MYH11: variants seen among roughly 807,000 people sequenced by gnomAD.
MYH11 encodes the protein myosin-11.
A neutral mutation model predicts 246.6 loss-of-function variants in MYH11; 80 were observed. That is an observed-to-expected ratio of 0.32 (90% confidence interval 0.27 to 0.39). The LOEUF is 0.39. Among genes scored for constraint, MYH11 ranks in the 10% least tolerant of loss-of-function variants. MYH11 has a pLI of 1.00. For missense variants in MYH11, 2,158 were observed against 2,546.8 expected (o/e 0.85, Z 3.29); for synonymous variants, 1,071 against 1,015.5 (o/e 1.05, Z -1.04).
rs139418145 is a variant in MYH11, at chr16:15,715,196, C to T, written c.5581G>A (p.Glu1861Lys). Residue 1861 changes from glutamate to lysine, a missense_variant, in exon 39 of 41, where the codon GAG becomes AAG. This residue lies in a region of MYH11 where 1,013 missense variants were observed against 993.5 expected (regional missense o/e 1.02). Transcript: ENST00000300036. Reference protein sequence around the residue: ...LKEILLQVEDERKMAEQYKEQ... With the variant: ...LKEILLQVEDKRKMAEQYKEQ... Reference sequence around the variant, plus strand: ...TTGTACTGCTCGGCCATCTTGCGCTCGTCCTCCACCTGCAGCAAGATTTCC... The same window carrying T: ...TTGTACTGCTCGGCCATCTTGCGCTTGTCCTCCACCTGCAGCAAGATTTCC... 1.2e-5 allele frequency: 20 copies of T among 1,613,896 alleles called. No homozygotes were observed. The highest frequency in any genetic ancestry group is 1.1e-4 in the African/African-American group (8 of 74,918).
intron 32 of MYH11, 34 bp from the exon 33 acceptor site, chr16:15,721,085 G>C (rs754538193): frequency 3.2e-5 from 52 of 1,608,028 alleles, no homozygotes; most frequent in Non-Finnish European, 4.4e-5. Context: ...ATTCTATGAG[G>C]CTCAACTTCA....
chr16:15,747,796 G>T, intron 18 of MYH11, 66 bp from the exon 19 acceptor site: 25 of 1,612,486 alleles, frequency 1.6e-5, no homozygotes, highest in Non-Finnish European at 1.8e-5. Context: ...GATGACATGG[G>T]TAAGAACGGT....
chr16:15,842,762 C>CA (rs757920488), intron 1 of MYH11, among the ~76,000 whole-genome samples: 1,355 of 19,648 alleles, frequency 0.069, 256 homozygotes, highest in Non-Finnish European at 0.15. Flanking sequence ...AGACTTCATC[C>CA]AAAAAAAAAA....
chr16:15,710,891 T>G (rs1009613482), intron 40 of MYH11, among the ~76,000 whole-genome samples: 1 of 152,144 alleles, frequency 6.6e-6, no homozygotes, highest in African/African-American at 2.4e-5. Flanking sequence ...TTGGCCAGGC[T>G]GGTCTCGAAC....
intron 10 of MYH11, 55 bp downstream of exon 10, chr16:15,763,741 T>TGGGGGCCCCCCCCCCCC: frequency 9.3e-6 from 6 of 646,834 alleles, no homozygotes; most frequent in East Asian, 3.2e-5. Context: ...AAATGTCACC[T>TGGGGGCCCCCCCCCCCC]CCCCCACCCC....
intron 3 of MYH11, among the ~76,000 whole-genome samples, chr16:15,809,584 G>A (rs2043092541): frequency 6.6e-6 from 1 of 151,828 alleles, no homozygotes; most frequent in African/African-American, 2.4e-5. Flanking sequence ...ACTGCCCAGA[G>A]GCTGGGAGGA....
In MYH11 at chr16:15,750,835, A is replaced by G. The variant is rs1033349623; in HGVS notation, c.1865-504T>C. ...GGCCCCCTCACCCCGCTTATATCAC[A>G]GGGAAGGAGACAGACAGAGATCACA... On this transcript the variant is annotated intron_variant, in intron 15 of 40. Transcript: ENST00000300036. This position sits in a 1 kb window ranked among gnomAD's most constrained non-coding sequence, Gnocchi z 4.3. 6.6e-5 allele frequency among the ~76,000 whole-genome samples: 10 copies of G among 152,166 alleles called. No homozygotes were observed. The highest frequency in any genetic ancestry group is 3.9e-4 in the East Asian group (2 of 5,192).
intron 12 of MYH11, 22 bp downstream of exon 12, chr16:15,759,553 CT>C (rs1038516113): frequency 6.2e-7 from 1 of 1,614,000 alleles, no homozygotes; most frequent in Non-Finnish European, 8.5e-7. Context: ...GACCATGGCT[CT>C]TAGGATCCCA....
At chr16:15,789,617 C>A (rs1308975082) in intron 4 of MYH11, among the ~76,000 whole-genome samples, 5 of 152,192 alleles carry the variant, frequency 3.3e-5, no homozygotes, top group African/African-American at 1.2e-4. Context: ...CCCCACTCCA[C>A]TGGAATTCTG....
Position 15,753,503 on chromosome 16 carries a change from G to A in MYH11, c.1755C>T (p.Asp585=). ...TGGTCAGCCAGGCACTCGCATTATA[G>A]TCCACCTGCCAAGGACACCCTGCTG... The part of the protein sequence containing the change: ...FSIIHYAGKV[D]YNASAWLTKN... The change falls in exon 15 of 41, where the codon GAC becomes GAT. Residue 585 remains aspartate (D), a synonymous_variant. Transcript: ENST00000300036. The A allele has an allele frequency of 1.9e-6, 3 of 1,613,692 alleles. No homozygotes were observed. Among genetic ancestry groups the A allele is most frequent in the Non-Finnish European group, 2.5e-6 (3 of 1,179,614 alleles).
At chr16:15,787,654 T>TA (rs1376312197) in intron 4 of MYH11, among the ~76,000 whole-genome samples, 1 of 151,868 alleles carries the variant, frequency 6.6e-6, no homozygotes, top group East Asian at 1.9e-4. Flanking sequence ...TTTGTATTTT[T>TA]AGTAGAGACG....
chr16:15,754,929 ACCTG>A (rs1256633001), intron 14 of MYH11, among the ~76,000 whole-genome samples: 1 of 152,172 alleles, frequency 6.6e-6, no homozygotes, highest in Non-Finnish European at 1.5e-5. Flanking sequence ...CAAGTAATCC[ACCTG>A]CCTTGGTGCT....
At chr16:15,847,007 C>G (rs941184474) in intron 1 of MYH11, among the ~76,000 whole-genome samples, 8 of 152,074 alleles carry the variant, frequency 5.3e-5, no homozygotes, top group African/African-American at 1.9e-4. Context: ...TTTTGCACAT[C>G]AAGCGTACTT....
intron 2 of MYH11, among the ~76,000 whole-genome samples, chr16:15,824,002 A>G (rs1223777538): frequency 6.6e-6 from 1 of 152,062 alleles, no homozygotes; most frequent in African/African-American, 2.4e-5. Flanking sequence ...ACCTCCCCGG[A>G]CCTCACTGGC....
At position 15,798,697 on chromosome 16, in the gene MYH11, GA is replaced by G; in HGVS notation, c.503-11del. The G allele has an allele frequency of 6.2e-7, 1 of 1,609,624 alleles. No individual in the cohort carries two copies. Among genetic ancestry groups the G allele is most frequent in the Admixed American group, 1.7e-5 (1 of 59,658 alleles). On this transcript the variant is annotated splice_polypyrimidine_tract_variant and intron_variant, in intron 3 of 40. Coordinates refer to ENST00000300036, the MANE Select transcript of MYH11 (RefSeq NM_002474.3). ...GACTGGTCCTCCCGATCTGCAAACA[GA>G]AAGAAGAAAAAAGAGCCATGAATTA...
At chr16:15,751,502 A>G (rs557621385) in intron 15 of MYH11, among the ~76,000 whole-genome samples, 2 of 151,336 alleles carry the variant, frequency 1.3e-5, no homozygotes, top group East Asian at 3.9e-4. Flanking sequence ...CATCACCTCC[A>G]AGGTTCTTTT....
intron 6 of MYH11, among the ~76,000 whole-genome samples, chr16:15,782,069 TG>T (rs2042368275): frequency 6.6e-6 from 1 of 152,164 alleles, no homozygotes; most frequent in Admixed American, 6.5e-5. Flanking sequence ...ATAATAGAGA[TG>T]GGATCTCGCT....
intron 10 of MYH11, 55 bp downstream of exon 10, chr16:15,763,741 T>TCGGGGGCCCCCCCC: frequency 3.1e-6 from 2 of 646,862 alleles, no homozygotes; most frequent in Non-Finnish European, 2.9e-6. Context: ...AAATGTCACC[T>TCGGGGGCCCCCCCC]CCCCCACCCC....
chr16:15,724,139 G>T, intron 31 of MYH11, 22 bp downstream of exon 31: 1 of 1,612,172 alleles, frequency 6.2e-7, no homozygotes. Flanking sequence ...GGCCAGAGTG[G>T]GGGACACCCC....
Sources: gnomAD v4.1 joint callset for allele counts (sites outside exome capture counted in the v4.1 genomes callset) on GRCh38, gnomAD v4.1.1 for gene constraint, gnomAD v4.1.1 regional missense constraint, Gnocchi (gnomAD v3.1) non-coding constraint, MANE v1.5 for transcripts, NCBI Gene and HGNC (gene_info 2026-07-23, HGNC 2026-07-21) for gene names.